XXYLT1: variants seen among roughly 807,000 people sequenced by gnomAD.
The protein encoded by XXYLT1 is xyloside xylosyltransferase 1, also known as UDP-xylose:alpha-xyloside alpha-1,3-xylosyltransferase.
In XXYLT1, 20 loss-of-function variants were observed where a neutral mutation model predicts 28.9. The observed-to-expected ratio is 0.69, with a 90% CI of 0.49 to 1.00. The LOEUF (loss-of-function observed/expected upper bound fraction) is 1.00, where lower values mean the gene tolerates loss of function less well. XXYLT1 is among the 50% of genes least tolerant of loss of function. The probability of loss-of-function intolerance (pLI) is 0.00; values close to 1 mark genes in which losing one functional copy is unlikely to be tolerated. For synonymous variants in XXYLT1, 257 were observed against 253.8 expected (o/e 1.01, Z -0.12); for missense variants, 542 against 560.1 (o/e 0.97, Z 0.33).
chr3:195,220,406 A>C (rs1301153379), intron 2 of XXYLT1, among the ~76,000 whole-genome samples: 2 of 152,126 alleles, frequency 1.3e-5, no homozygotes, highest in Non-Finnish European at 2.9e-5. Flanking sequence ...GGTCTCCCAA[A>C]GTGCTGGGAT....
At chr3:195,134,879 GCGTGCGCGCA>G (rs984854468) in intron 3 of XXYLT1, among the ~76,000 whole-genome samples, 3 of 140,556 alleles carry the variant, frequency 2.1e-5, no homozygotes, top group Admixed American at 2.1e-4. Flanking sequence ...GCGTGTGCGC[GCGTGCGCGCA>G]CGTGCAAAGA....
At chr3:195,084,345 G>T (rs1715607408) in intron 3 of XXYLT1, among the ~76,000 whole-genome samples, 1 of 152,088 alleles carries the variant, frequency 6.6e-6, no homozygotes. Flanking sequence ...AGAGGCAGGA[G>T]GCCCGATTCA....
At chr3:195,203,168 A>G (rs916793925) in intron 2 of XXYLT1, among the ~76,000 whole-genome samples, 1 of 152,152 alleles carries the variant, frequency 6.6e-6, no homozygotes, top group African/African-American at 2.4e-5. Context: ...CAAAAAAAAA[A>G]TGTTTTCAAC....
chr3:195,083,334 CT>C (rs752755144), intron 3 of XXYLT1, among the ~76,000 whole-genome samples: 25 of 152,268 alleles, frequency 1.6e-4, no homozygotes, highest in Non-Finnish European at 2.9e-4. Context: ...CTGACAGAAC[CT>C]CTCGAAAGAC....
chr3:195,071,383 G>A (rs6437453), intron 3 of XXYLT1, among the ~76,000 whole-genome samples: 40,404 of 152,136 alleles, frequency 0.27, 6,355 homozygotes, highest in East Asian at 0.62. Flanking sequence ...TGCCCAGGGT[G>A]GCCCTGAGGG....
At chr3:195,186,117 A>C (rs1213434362) in intron 2 of XXYLT1, among the ~76,000 whole-genome samples, 2 of 152,138 alleles carry the variant, frequency 1.3e-5, no homozygotes, top group Non-Finnish European at 1.5e-5. Flanking sequence ...AACTTTTGAA[A>C]GCCACCACAG....
At chr3:195,135,322 T>C (rs1253152969) in intron 3 of XXYLT1, among the ~76,000 whole-genome samples, 1 of 152,228 alleles carries the variant, frequency 6.6e-6, no homozygotes, top group Non-Finnish European at 1.5e-5. Context: ...TTTCTCATTT[T>C]ACACAGGAGG....
chr3:195,083,862 C>T (rs1449918675), intron 3 of XXYLT1, among the ~76,000 whole-genome samples: 1 of 152,076 alleles, frequency 6.6e-6, no homozygotes, highest in Non-Finnish European at 1.5e-5. Context: ...TCCATCTCTA[C>T]TAAAAATACA....
chr3:195,250,203 CCTT>C (rs1368114203), intron 1 of XXYLT1, among the ~76,000 whole-genome samples: 45 of 152,310 alleles, frequency 3.0e-4, no homozygotes, highest in East Asian at 3.9e-4. Context: ...CCAGCCAGCT[CCTT>C]CTTTCCTTCA....
intron 1 of XXYLT1, among the ~76,000 whole-genome samples, chr3:195,262,425 CA>C (rs1387285477): frequency 6.6e-6 from 1 of 152,166 alleles, no homozygotes; most frequent in Non-Finnish European, 1.5e-5. Context: ...CTTGGGAATA[CA>C]CTAAAAACCA....
chr3:195,233,289 A>G (rs1724381259), intron 1 of XXYLT1, among the ~76,000 whole-genome samples: 2 of 152,068 alleles, frequency 1.3e-5, no homozygotes, highest in Non-Finnish European at 2.9e-5. Context: ...CCTGTAGGCA[A>G]TAGATCATTG....
chr3:195,270,490 CAA>C (rs1553836957), intron 1 of XXYLT1, 63 bp downstream of exon 1: 10 of 1,351,616 alleles, frequency 7.4e-6, no homozygotes, highest in Middle Eastern at 2.8e-4. Context: ...TCCGGGAGCG[CAA>C]ACTGACCTCG....
intron 2 of XXYLT1, among the ~76,000 whole-genome samples, chr3:195,189,454 AT>A (rs1722333022): frequency 6.6e-6 from 1 of 152,244 alleles, no homozygotes; most frequent in African/African-American, 2.4e-5. Context: ...GATTTAAAAA[AT>A]AGGAAAGTGT....
intron 2 of XXYLT1, among the ~76,000 whole-genome samples, chr3:195,167,316 C>T (rs901623774): frequency 6.6e-6 from 1 of 152,152 alleles, no homozygotes; most frequent in African/African-American, 2.4e-5. Context: ...TTGAGCCGGG[C>T]GCGGTGACTC....
chr3:195,161,290 C>A (rs1720857484), intron 2 of XXYLT1, among the ~76,000 whole-genome samples: 1 of 152,204 alleles, frequency 6.6e-6, no homozygotes, highest in African/African-American at 2.4e-5. Context: ...ATTACAGATT[C>A]GCCTCGCTCG....
chr3:195,158,860 T>G (rs77855194), intron 2 of XXYLT1, among the ~76,000 whole-genome samples: 1 of 152,134 alleles, frequency 6.6e-6, no homozygotes, highest in Non-Finnish European at 1.5e-5. Context: ...TGGAATTCAT[T>G]AGGATGAGGT....
chr3:195,071,494 G>A (rs1714807498), intron 3 of XXYLT1, among the ~76,000 whole-genome samples: 1 of 152,192 alleles, frequency 6.6e-6, no homozygotes, highest in Non-Finnish European at 1.5e-5. Flanking sequence ...TGATCCTGGC[G>A]AGGGGGAAGC....
chr3:195,117,063 T>G (rs1255904851), intron 3 of XXYLT1, among the ~76,000 whole-genome samples: 1 of 151,840 alleles, frequency 6.6e-6, no homozygotes, highest in African/African-American at 2.4e-5. Flanking sequence ...TGAGAATTGC[T>G]GTAGTTTATT....
intron 2 of XXYLT1, among the ~76,000 whole-genome samples, chr3:195,158,750 C>T (rs1388483494): frequency 2.0e-5 from 3 of 152,246 alleles, no homozygotes; most frequent in Admixed American, 6.5e-5. Flanking sequence ...CACTGTCCTG[C>T]GGGCACCTGT....
Sources: allele counts gnomAD v4.1 joint callset (sites outside exome capture counted in the v4.1 genomes callset), GRCh38; gene constraint gnomAD v4.1.1; transcripts MANE v1.5; gene names NCBI Gene and HGNC (gene_info 2026-07-23, HGNC 2026-07-21).